FBXL17: variants seen among roughly 807,000 people sequenced by gnomAD.
FBXL17 encodes F-box and leucine rich repeat protein 17.
A neutral mutation model predicts 66.2 loss-of-function variants in FBXL17; 22 were observed. That is an observed-to-expected ratio of 0.33 (90% CI 0.24 to 0.47). The LOEUF is 0.47. Among genes scored for constraint, FBXL17 ranks in the 20% least tolerant of loss-of-function variants. The pLI, the probability that FBXL17 is intolerant of heterozygous loss-of-function variation, is 1.00. For synonymous variants in FBXL17, 474 were observed against 400.5 expected (o/e 1.18, Z -2.19); for missense variants, 878 against 948.2 (o/e 0.93, Z 0.97).
rs57707936 is a variant in FBXL17, at chr5:108,088,700, CAAAAAAAAAAAAAAAAAAAA to C, written c.1746-67719_1746-67700del. Reference sequence around the variant, plus strand: ...TGGCCGACAGAGCGAGACTCTATCTCAAAAAAAAAAAAAAAAAAAAAAAAAAAAAAAAAAAAAAAGATACC... The same window carrying C: ...TGGCCGACAGAGCGAGACTCTATCTCAAAAAAAAAAAAAAAAAAAGATACC... On this transcript the variant is annotated intron_variant, in intron 6 of 8. Transcript: ENST00000542267. Among the ~76,000 whole-genome samples, 48 of 49,346 alleles carry C rather than the reference CAAAAAAAAAAAAAAAAAAAA, an allele frequency of 9.7e-4. No individual in the cohort carries two copies. In the South Asian group the frequency reaches 0.011, roughly 11 times the overall value. The allele number at this position is 49,346 out of a possible 152,430, so 32.4% of individuals were successfully genotyped here. A position where few individuals can be genotyped will look rare whatever the true frequency, so the allele number is the denominator to read the frequency against.
intron 8 of FBXL17, among the ~76,000 whole-genome samples, chr5:107,871,057 C>CAAAAAAAAAAAAAA (rs201752049): frequency 0.033 from 2,154 of 65,544 alleles, 240 homozygotes; most frequent in Middle Eastern, 0.052. Flanking sequence ...TCTTGGGCGG[C>CAAAAAAAAAAAAAA]AAAAAAAAAA....
At chr5:108,364,614 G>A in intron 3 of FBXL17, 124 bp downstream of exon 3, 1 of 722,312 alleles carries the variant, frequency 1.4e-6, no homozygotes, top group South Asian at 2.0e-5. Flanking sequence ...TTCATTAATA[G>A]GTAAAAAAGA....
chr5:108,197,744 A>T (rs553956089), intron 5 of FBXL17, among the ~76,000 whole-genome samples: 2 of 152,154 alleles, frequency 1.3e-5, no homozygotes, highest in African/African-American at 2.4e-5. Context: ...ATGTTATGTC[A>T]TATATTTTTA....
At chr5:108,002,444 C>A (rs978073196) in intron 7 of FBXL17, among the ~76,000 whole-genome samples, 4 of 152,068 alleles carry the variant, frequency 2.6e-5, no homozygotes, top group Admixed American at 6.6e-5. Context: ...TAAAATACAA[C>A]AAGCATTCTT....
intron 4 of FBXL17, among the ~76,000 whole-genome samples, chr5:108,266,177 T>G (rs546800379): frequency 6.6e-6 from 1 of 152,118 alleles, no homozygotes; most frequent in African/African-American, 2.4e-5. Context: ...TAAGGAGTAA[T>G]TATTAGCAGA....
chr5:108,301,915 ATTC>A, intron 4 of FBXL17: 2 of 463,376 alleles, frequency 4.3e-6, no homozygotes, highest in Non-Finnish European at 5.7e-6. Context: ...GATATGTCTC[ATTC>A]TTAATGGGAG....
At chr5:108,201,419 A>G (rs1332311524) in intron 5 of FBXL17, among the ~76,000 whole-genome samples, 1 of 152,256 alleles carries the variant, frequency 6.6e-6, no homozygotes, top group African/African-American at 2.4e-5. Context: ...AGGTGCAGTA[A>G]AAATGGTTCT....
At chr5:108,108,671 T>C (rs2149949989) in intron 6 of FBXL17, among the ~76,000 whole-genome samples, 1 of 152,200 alleles carries the variant, frequency 6.6e-6, no homozygotes, top group South Asian at 2.1e-4. Flanking sequence ...CAGCACTAAG[T>C]AGAACACTCC....
At chr5:108,137,482 T>C (rs1378259266) in intron 6 of FBXL17, among the ~76,000 whole-genome samples, 1 of 152,080 alleles carries the variant, frequency 6.6e-6, no homozygotes, top group African/African-American at 2.4e-5. Context: ...TGTTTTTGAA[T>C]GTTGGCATGA....
At chr5:108,133,685 GA>G (rs1437490058) in intron 6 of FBXL17, among the ~76,000 whole-genome samples, 2 of 151,980 alleles carry the variant, frequency 1.3e-5, no homozygotes, top group Non-Finnish European at 2.9e-5. Context: ...GGAAAGCAAA[GA>G]AAAGGAAGAG....
chr5:107,940,380 G>A (rs998019292), intron 7 of FBXL17, among the ~76,000 whole-genome samples: 2 of 152,048 alleles, frequency 1.3e-5, no homozygotes, highest in Non-Finnish European at 2.9e-5. Context: ...GGGGACACAT[G>A]GACAAACAAC....
intron 4 of FBXL17, among the ~76,000 whole-genome samples, chr5:108,335,055 T>C (rs931974885): frequency 6.6e-6 from 1 of 152,232 alleles, no homozygotes; most frequent in Non-Finnish European, 1.5e-5. Flanking sequence ...GTTTAAATAA[T>C]GTGGTGAATA....
At chr5:108,002,783 A>G (rs1365742319) in intron 7 of FBXL17, among the ~76,000 whole-genome samples, 1 of 152,206 alleles carries the variant, frequency 6.6e-6, no homozygotes, top group East Asian at 1.9e-4. Context: ...AATCTCAAGA[A>G]ACTTACTAAG....
intron 7 of FBXL17, among the ~76,000 whole-genome samples, chr5:107,964,122 C>T (rs1752026513): frequency 6.6e-6 from 1 of 152,136 alleles, no homozygotes; most frequent in Non-Finnish European, 1.5e-5. Flanking sequence ...GGTGAATTCA[C>T]TGCACAGCTG....
intron 4 of FBXL17, among the ~76,000 whole-genome samples, chr5:108,241,325 A>G (rs190588350): frequency 3.3e-5 from 5 of 152,310 alleles, no homozygotes; most frequent in Non-Finnish European, 7.3e-5. Flanking sequence ...TTTTAAATTG[A>G]GCAGAAATTC....
At chr5:107,956,688 G>A (rs1751677500) in intron 7 of FBXL17, among the ~76,000 whole-genome samples, 1 of 152,114 alleles carries the variant, frequency 6.6e-6, no homozygotes, top group Non-Finnish European at 1.5e-5. Context: ...AACTTGTTCT[G>A]CAGCTGGTCC....
chr5:107,960,434 A>G (rs1751855216), intron 7 of FBXL17, among the ~76,000 whole-genome samples: 1 of 152,128 alleles, frequency 6.6e-6, no homozygotes, highest in African/African-American at 2.4e-5. Flanking sequence ...TGGAACTTGT[A>G]TCTTTGACCA....
At chr5:108,014,717 C>A (rs1304185600) in intron 7 of FBXL17, among the ~76,000 whole-genome samples, 1 of 152,242 alleles carries the variant, frequency 6.6e-6, no homozygotes, top group African/African-American at 2.4e-5. Flanking sequence ...GGTGAAAAAT[C>A]ATTTCCATTA....
intron 4 of FBXL17, among the ~76,000 whole-genome samples, chr5:108,329,184 G>A (rs1760002343): frequency 6.6e-6 from 1 of 151,952 alleles, no homozygotes; most frequent in South Asian, 2.1e-4. Context: ...AACCCTACAG[G>A]AGAAACACAA....
Sources: gnomAD v4.1 joint callset for allele counts (sites outside exome capture counted in the v4.1 genomes callset) on GRCh38, gnomAD v4.1.1 for gene constraint, MANE v1.5 for transcripts, NCBI Gene and HGNC (gene_info 2026-07-23, HGNC 2026-07-21) for gene names.